RGPD1: variants seen among roughly 807,000 people sequenced by gnomAD.
RGPD1 encodes RANBP2 like and GRIP domain containing 1, also known as RANBP2-like and GRIP domain-containing protein 1.
Under a neutral mutation model 40.6 loss-of-function variants are expected in RGPD1, and 7 were observed. The ratio of observed to expected loss-of-function variants is 0.17; its 90% CI spans 0.10 to 0.32. The LOEUF is 0.32. Among genes scored for constraint, RGPD1 ranks in the 10% least tolerant of loss-of-function variants. The pLI, the probability that RGPD1 is intolerant of heterozygous loss-of-function variation, is 1.00. For synonymous variants in RGPD1, 24 were observed against 167.0 expected (o/e 0.14, Z 6.60); for missense variants, 50 against 472.5 (o/e 0.11, Z 8.29).
intron 1 of RGPD1, among the ~76,000 whole-genome samples, chr2:86,931,728 T>A (rs1301119859): frequency 3.3e-5 from 5 of 151,598 alleles, no homozygotes; most frequent in African/African-American, 4.8e-5. Flanking sequence ...CCAAGTAGTT[T>A]CTAAAGAGAG....
intron 1 of RGPD1, among the ~76,000 whole-genome samples, chr2:86,914,116 G>A (rs1677604421): frequency 9.9e-6 from 1 of 100,906 alleles, no homozygotes; most frequent in Admixed American, 9.0e-5. Context: ...CGGCGGCCTC[G>A]GCCCCGGCCT....
chr2:86,915,342 CATTTTAGG>C (rs1677743756), intron 1 of RGPD1, among the ~76,000 whole-genome samples: 2 of 150,214 alleles, frequency 1.3e-5, no homozygotes, highest in African/African-American at 2.4e-5. Context: ...ATAACTTTTT[CATTTTAGG>C]AATTTTCACT....
chr2:86,928,457 G>A (rs1443754931), intron 1 of RGPD1, among the ~76,000 whole-genome samples: 1 of 152,150 alleles, frequency 6.6e-6, no homozygotes, highest in Non-Finnish European at 1.5e-5. Flanking sequence ...ATTAAACAGA[G>A]GAGGGACAGG....
chr2:86,923,048 T>G (rs1163609592), intron 1 of RGPD1, among the ~76,000 whole-genome samples: 11 of 124,402 alleles, frequency 8.8e-5, no homozygotes, highest in Non-Finnish European at 1.4e-4. Context: ...TTTTTTTTTT[T>G]TTTTTTTGAG....
At chr2:86,915,245 A>G (rs538551998) in intron 1 of RGPD1, among the ~76,000 whole-genome samples, 8 of 151,048 alleles carry the variant, frequency 5.3e-5, no homozygotes, top group Non-Finnish European at 1.2e-4. Flanking sequence ...GCGGTGAGCC[A>G]AGATCGTGCC....
intron 1 of RGPD1, among the ~76,000 whole-genome samples, chr2:86,918,251 C>T (rs754766489): frequency 0.043 from 6,387 of 149,776 alleles, 121 homozygotes; most frequent in Non-Finnish European, 0.065. Flanking sequence ...CCAGTAACAT[C>T]CTTACAGGCC....
chr2:86,942,169 T>C lies in RGPD1; in HGVS notation c.-68T>C. ...CAGTGGCTTTCAGGCGCTTTCCTGT[T>C]GGAATTGGCGACTGCTGCGGGGCTG... On this transcript the variant is annotated 5_prime_UTR_variant, in exon 1 of 23. Transcript: ENST00000641458. 6.5e-7 allele frequency: 1 copy of C among 1,530,582 alleles called. No homozygotes were observed. 94.8% of individuals were successfully genotyped at this position (1,530,582 alleles called of 1,614,324 possible). A position where few individuals can be genotyped will look rare whatever the true frequency, so the allele number is the denominator to read the frequency against.
At chr2:86,926,117 G>A (rs540956868) in intron 1 of RGPD1, among the ~76,000 whole-genome samples, 1 of 152,296 alleles carries the variant, frequency 6.6e-6, no homozygotes, top group Admixed American at 6.5e-5. Context: ...AATAGACATA[G>A]AGGGGAAAGA....
upstream of RGPD1, among the ~76,000 whole-genome samples, chr2:86,938,665 G>A (rs1052568317): frequency 6.6e-6 from 1 of 150,650 alleles, no homozygotes; most frequent in African/African-American, 2.4e-5. Context: ...TTAAGGCCCA[G>A]GACAGGCCTA....
At chr2:86,920,251 G>A (rs1336692044) in intron 1 of RGPD1, among the ~76,000 whole-genome samples, 3 of 151,582 alleles carry the variant, frequency 2.0e-5, no homozygotes, top group Non-Finnish European at 4.4e-5. Flanking sequence ...TGTATTTTTA[G>A]TAGAGACGGG....
chr2:86,915,396 C>T (rs1427557126), intron 1 of RGPD1, among the ~76,000 whole-genome samples: 3 of 146,268 alleles, frequency 2.1e-5, no homozygotes, highest in African/African-American at 7.6e-5. Context: ...TATAGAGATT[C>T]CTTGCCTTCT....
intron 22 of RGPD1, among the ~76,000 whole-genome samples, chr2:87,007,579 A>G (rs1188259499): frequency 2.0e-5 from 3 of 150,668 alleles, no homozygotes; most frequent in South Asian, 2.1e-4. Context: ...GGGTTTCGCC[A>G]TGTTGGCAAA....
intron 1 of RGPD1, among the ~76,000 whole-genome samples, chr2:86,929,989 T>C (rs1048565641): frequency 3.5e-5 from 5 of 143,654 alleles, no homozygotes; most frequent in Non-Finnish European, 7.8e-5. Context: ...CGGTACAGAA[T>C]CTGGGGGCAG....
intron 6 of RGPD1, among the ~76,000 whole-genome samples, chr2:86,962,490 A>G (rs1680983045): frequency 1.1e-5 from 1 of 94,994 alleles, no homozygotes; most frequent in Non-Finnish European, 1.9e-5. Context: ...CCCAGGCGAT[A>G]GTGAGAGACT....
chr2:86,918,455 T>TA (rs1180918760), intron 1 of RGPD1, among the ~76,000 whole-genome samples: 676 of 56,570 alleles, frequency 0.012, 36 homozygotes, highest in African/African-American at 0.038. Flanking sequence ...CACCAAATCT[T>TA]TTTTTTTTTT....
chr2:86,918,455 T>C (rs1167059535), intron 1 of RGPD1, among the ~76,000 whole-genome samples: 3 of 56,588 alleles, frequency 5.3e-5, no homozygotes, highest in Non-Finnish European at 8.0e-5. Flanking sequence ...CACCAAATCT[T>C]TTTTTTTTTT....
chr2:86,956,601 G>A (rs1417562720), intron 4 of RGPD1, among the ~76,000 whole-genome samples: 1 of 145,586 alleles, frequency 6.9e-6, no homozygotes, highest in Non-Finnish European at 1.5e-5. Flanking sequence ...TTGAGATAAT[G>A]CAAATGAAAT....
At chr2:86,944,010 A>G (rs1297362594) in intron 1 of RGPD1, among the ~76,000 whole-genome samples, 1 of 151,534 alleles carries the variant, frequency 6.6e-6, no homozygotes, top group Non-Finnish European at 1.5e-5. Flanking sequence ...GGAGACTCCA[A>G]AAAAAAACAA....
At position 86,919,463 on chromosome 2, in the gene RGPD1, G is replaced by T. The variant is rs1322855341; in HGVS notation, c.72+5542G>T. 2.3e-5 allele frequency among the ~76,000 whole-genome samples: 3 copies of T among 130,170 alleles called. 1 individual carries two copies. The highest frequency in any genetic ancestry group is 1.0e-4 in the African/African-American group (3 of 29,422). 85.4% of individuals were successfully genotyped at this position (130,170 alleles called of 152,430 possible). ...ATGTCACTCAGAGTAAAGGCCATAG[G>T]CTTATAAGGTGCCATGTGACCTAGC... On this transcript the variant is annotated intron_variant, in intron 1 of 22. Transcript: ENST00000398193.
Sources: gnomAD v4.1 joint callset for allele counts (sites outside exome capture counted in the v4.1 genomes callset) on GRCh38, gnomAD v4.1.1 for gene constraint, MANE v1.5 for transcripts, NCBI Gene and HGNC (gene_info 2026-07-23, HGNC 2026-07-21) for gene names.